Variants in ASTN2 observed in about 807,000 individuals in gnomAD.
The protein encoded by ASTN2 is astrotactin 2.
A neutral mutation model predicts 139.8 loss-of-function variants in ASTN2; 54 were observed. That is an observed-to-expected ratio of 0.39 (90% CI 0.31 to 0.48). The LOEUF is 0.48. ASTN2 is among the 20% of genes least tolerant of loss of function. ASTN2 has a pLI of 0.95. For missense variants in ASTN2, 1,565 were observed against 1,725.1 expected (o/e 0.91, Z 1.64); for synonymous variants, 756 against 719.5 (o/e 1.05, Z -0.81).
At chr9:116,862,250 A>G (rs1273607961) in intron 11 of ASTN2, among the ~76,000 whole-genome samples, 1 of 152,100 alleles carries the variant, frequency 6.6e-6, no homozygotes, top group Non-Finnish European at 1.5e-5. Flanking sequence ...CCTAGTCCAG[A>G]GCAGGATTCC....
chr9:116,717,323 T>C (rs1828339929), intron 16 of ASTN2, among the ~76,000 whole-genome samples: 1 of 152,126 alleles, frequency 6.6e-6, no homozygotes, highest in Non-Finnish European at 1.5e-5. Flanking sequence ...TTTCATCTTG[T>C]GGAAACGGCA....
chr9:117,030,010 T>C (rs112261596), intron 6 of ASTN2, among the ~76,000 whole-genome samples: 5,510 of 132,944 alleles, frequency 0.041, 196 homozygotes, highest in South Asian at 0.17. Context: ...TATTAGCATG[T>C]TTTTAGATTT....
intron 19 of ASTN2, chr9:116,568,975 T>C (rs1330485114): frequency 6.6e-6 from 1 of 151,900 alleles, no homozygotes; most frequent in Non-Finnish European, 1.5e-5. Context: ...AAACCAACCC[T>C]GAAAGAAAAA....
At chr9:116,922,114 T>A (rs931149523) in intron 10 of ASTN2, among the ~76,000 whole-genome samples, 1 of 152,186 alleles carries the variant, frequency 6.6e-6, no homozygotes. Context: ...TCTTACTACT[T>A]CCTTTGAAGG....
chr9:116,525,477 A>G (rs1851051835), intron 19 of ASTN2, among the ~76,000 whole-genome samples: 2 of 152,176 alleles, frequency 1.3e-5, no homozygotes, highest in South Asian at 4.1e-4. Flanking sequence ...CCCCTCATCC[A>G]GTCTGAGAGC....
chr9:117,268,269 T>A, intron 2 of ASTN2, among the ~76,000 whole-genome samples: 1 of 152,184 alleles, frequency 6.6e-6, no homozygotes, highest in East Asian at 1.9e-4. Flanking sequence ...TCAGGTGAAT[T>A]AATGTTGGAT....
Position 117,008,055 on chromosome 9 carries a change from CCCA to C in ASTN2, c.1591+34_1591+36del, listed in dbSNP as rs1374122197. 4 of 1,518,440 alleles carry C rather than the reference CCCA, an allele frequency of 2.6e-6. No individual in the cohort carries two copies. In the South Asian group the frequency reaches 5.3e-5, roughly 20 times the overall value. The allele number at this position is 1,518,440 out of a possible 1,614,324, so 94.1% of individuals were successfully genotyped here. A position where few individuals can be genotyped will look rare whatever the true frequency, so the allele number is the denominator to read the frequency against. ...CAATGCCTCTTTCAACCCAGCCTCT[CCCA>C]CCTTCTATCCCCATCCCGGCTCCCA... On this transcript the variant is annotated intron_variant, in intron 7 of 22. Coordinates refer to ENST00000313400, the MANE Select transcript of ASTN2 (RefSeq NM_001365068.1).
At chr9:117,322,184 C>A (rs532870005) in intron 1 of ASTN2, among the ~76,000 whole-genome samples, 1 of 152,238 alleles carries the variant, frequency 6.6e-6, no homozygotes, top group East Asian at 1.9e-4. Context: ...TAGACCCCTC[C>A]TCTGTTTGAC....
chr9:116,866,856 G>A (rs1833024132), intron 10 of ASTN2, among the ~76,000 whole-genome samples: 2 of 146,680 alleles, frequency 1.4e-5, no homozygotes, highest in Admixed American at 6.9e-5. Context: ...TCGTGCCACG[G>A]CACTCTAGCC....
chr9:116,740,734 T>C (rs1228148622), intron 13 of ASTN2, among the ~76,000 whole-genome samples: 1 of 151,886 alleles, frequency 6.6e-6, no homozygotes, highest in African/African-American at 2.4e-5. Flanking sequence ...CAGGATGGTC[T>C]CTATCTCCTG....
chr9:117,331,950 T>A (rs916715989), intron 1 of ASTN2, among the ~76,000 whole-genome samples: 1 of 152,028 alleles, frequency 6.6e-6, no homozygotes, highest in African/African-American at 2.4e-5. Context: ...TCACACATGT[T>A]CTTAGATGCT....
intron 19 of ASTN2, among the ~76,000 whole-genome samples, chr9:116,532,918 G>A (rs1178966145): frequency 2.6e-5 from 4 of 152,196 alleles, no homozygotes; most frequent in Non-Finnish European, 5.9e-5. Context: ...GTAGCTTGCT[G>A]GGGATGGCAC....
chr9:117,263,883 G>A (rs1564114506), intron 2 of ASTN2, among the ~76,000 whole-genome samples: 1 of 152,024 alleles, frequency 6.6e-6, no homozygotes, highest in East Asian at 1.9e-4. Context: ...AATCTAAATT[G>A]AGGCTAGGCA....
intron 5 of ASTN2, among the ~76,000 whole-genome samples, chr9:117,066,480 C>G (rs1439931322): frequency 6.7e-6 from 1 of 148,792 alleles, no homozygotes. Context: ...AATAAACATA[C>G]GTGTGCATGT....
At chr9:117,179,606 C>T (rs796952612) in intron 3 of ASTN2, among the ~76,000 whole-genome samples, 5 of 152,256 alleles carry the variant, frequency 3.3e-5, no homozygotes, top group African/African-American at 9.6e-5. Flanking sequence ...GCACCTCTTC[C>T]TTGCCCCCAT....
intron 19 of ASTN2, among the ~76,000 whole-genome samples, chr9:116,528,357 C>T (rs757397272): frequency 6.6e-6 from 1 of 152,144 alleles, no homozygotes; most frequent in Non-Finnish European, 1.5e-5. Flanking sequence ...TTTAGGTTAT[C>T]TGGCAGAAAA....
chr9:116,815,816 A>AAAAAAAAAAC (rs1423552997), intron 12 of ASTN2, among the ~76,000 whole-genome samples: 1,506 of 141,018 alleles, frequency 0.011, 202 homozygotes, highest in African/African-American at 0.042. Flanking sequence ...AAAAAAAAAA[A>AAAAAAAAAAC]AAAAAAAAAA....
At chr9:117,021,203 G>A (rs1837868960) in intron 6 of ASTN2, among the ~76,000 whole-genome samples, 1 of 152,078 alleles carries the variant, frequency 6.6e-6, no homozygotes, top group Non-Finnish European at 1.5e-5. Context: ...CCACCATGCT[G>A]AGCCTTTTTT....
chr9:116,533,055 A>C (rs775437264), intron 19 of ASTN2, among the ~76,000 whole-genome samples: 314 of 152,238 alleles, frequency 2.1e-3, no homozygotes, highest in African/African-American at 7.0e-3. Flanking sequence ...GTTTGTAGTT[A>C]TCCTTGAAGA....
Sources: gnomAD v4.1 joint callset for allele counts (sites outside exome capture counted in the v4.1 genomes callset) on GRCh38, gnomAD v4.1.1 for gene constraint, MANE v1.5 for transcripts, NCBI Gene and HGNC (gene_info 2026-07-23, HGNC 2026-07-21) for gene names.